The following PCDH10 variants were observed in gnomAD, a reference collection of about 807,000 sequenced individuals.
The protein encoded by PCDH10 is protocadherin-10.
Under a neutral mutation model 74.4 loss-of-function variants are expected in PCDH10, and 15 were observed. The observed-to-expected ratio is 0.20, with a 90% CI of 0.13 to 0.31. The LOEUF is 0.31. Ranked by LOEUF, PCDH10 falls within the 10% of genes least tolerant of loss-of-function variation. The probability of loss-of-function intolerance (pLI) is 1.00; values close to 1 mark genes in which losing one functional copy is unlikely to be tolerated. For synonymous variants in PCDH10, 619 were observed against 589.8 expected (o/e 1.05, Z -0.72); for missense variants, 1,260 against 1,390.2 (o/e 0.91, Z 1.49).
intron 4 of PCDH10, among the ~76,000 whole-genome samples, chr4:133,180,392 A>G (rs1042949447): frequency 1.3e-5 from 2 of 152,036 alleles, no homozygotes; most frequent in Admixed American, 6.6e-5. Flanking sequence ...TTTATGTAAC[A>G]GTTTGTATGT....
chr4:133,177,896 T>A (rs1341804896), intron 4 of PCDH10, among the ~76,000 whole-genome samples: 2 of 152,100 alleles, frequency 1.3e-5, no homozygotes, highest in Admixed American at 6.6e-5. Context: ...AAAGACTCCT[T>A]ACAGTGTAAT....
chr4:133,197,337 C>T (rs1055238285), downstream of PCDH10, among the ~76,000 whole-genome samples: 4 of 152,112 alleles, frequency 2.6e-5, no homozygotes, highest in South Asian at 2.1e-4. Context: ...GGGCAGTATT[C>T]GGTATCTGCT....
chr4:133,184,204 A>G (rs748874988), intron 4 of PCDH10, among the ~76,000 whole-genome samples: 12 of 152,056 alleles, frequency 7.9e-5, no homozygotes, highest in Non-Finnish European at 1.5e-4. Context: ...CCTGTTTTCC[A>G]CCTATGTTCT....
In PCDH10 at chr4:133,151,793, C is replaced by T. The variant is rs754297421; in HGVS notation, c.1653C>T (p.Pro551=). The change falls in exon 1 of 5, where the codon CCC becomes CCT. Residue 551 remains proline (P), a synonymous_variant. Coordinates refer to ENST00000264360, the MANE Select transcript of PCDH10 (RefSeq NM_032961.3). ...TGGAAGCCCGGGACGCTGGCAGCCC[C>T]CAGGCGCTGGCTGGTAACGCCACTG... ...FQVEARDAGS[P]QALAGNATVN... is the part of the protein sequence containing the mutation. 3 of 1,612,992 alleles carry T rather than the reference C, an allele frequency of 1.9e-6. No homozygotes were observed. Among genetic ancestry groups the T allele is most frequent in the African/African-American group, 2.7e-5 (2 of 74,956 alleles).
intron 2 of PCDH10, among the ~76,000 whole-genome samples, chr4:133,204,655 C>T (rs1727967382): frequency 6.6e-6 from 1 of 152,174 alleles, no homozygotes; most frequent in Admixed American, 6.5e-5. Context: ...TATCATGAAA[C>T]CACTTAGTTA....
Position 133,150,533 on chromosome 4 carries a change from C to T in PCDH10, c.393C>T (p.Ile131=). 6.2e-7 allele frequency: 1 copy of T among 1,613,728 alleles called. No homozygotes were observed. Among genetic ancestry groups the T allele is most frequent in the Non-Finnish European group, 8.5e-7 (1 of 1,179,936 alleles). The stretch of plus-strand genomic sequence containing the variant: ...CGGAGCCAGACCTGACGGTGGAAAT[C>T]TCTGAGAGCGCCACGCCAGGCACTC... ...SFPEPDLTVE[I]SESATPGTRF... is the part of the protein sequence containing the mutation. Residue 131 remains isoleucine (I), a synonymous_variant, in exon 1 of 5, where the codon ATC becomes ATT. Transcript: ENST00000264360.
At chr4:133,177,121 A>G (rs1413378687) in intron 4 of PCDH10, among the ~76,000 whole-genome samples, 3 of 152,088 alleles carry the variant, frequency 2.0e-5, no homozygotes, top group Non-Finnish European at 4.4e-5. Flanking sequence ...TGTGTAAAAG[A>G]CATAGATGCC....
chr4:133,193,786 A>G lies in PCDH10; in HGVS notation c.*3626A>G, dbSNP rs942076419. The G allele has an allele frequency of 6.6e-6, 1 of 151,702 alleles. No individual in the cohort carries two copies. The highest frequency in any genetic ancestry group is 1.5e-5 in the Non-Finnish European group (1 of 67,700). The allele number at this position is 151,702 out of a possible 1,614,324, so 9.4% of individuals were successfully genotyped here. A position where few individuals can be genotyped will look rare whatever the true frequency, so the allele number is the denominator to read the frequency against. On this transcript the variant is annotated 3_prime_UTR_variant, in exon 5 of 5. Coordinates refer to ENST00000264360, the MANE Select transcript of PCDH10 (RefSeq NM_032961.3). ...ACTTGATGATTTTTCTGAAAATCTT[A>G]TATTTTTCATATTACAAATTCTTGA...
chr4:133,188,736 T>G (rs1441684202), intron 4 of PCDH10, among the ~76,000 whole-genome samples: 1 of 139,088 alleles, frequency 7.2e-6, no homozygotes, highest in Non-Finnish European at 1.5e-5. Context: ...TGCAATGGCA[T>G]GATCTCAGCT....
In PCDH10 at chr4:133,167,206, CTTTA is replaced by C. The variant is rs759362054; in HGVS notation, c.3103+3928_3103+3931del. 1.9e-3 allele frequency among the ~76,000 whole-genome samples: 286 copies of C among 150,334 alleles called. 1 individual carries two copies. The highest frequency in any genetic ancestry group is 3.3e-3 in the Non-Finnish European group (222 of 67,298). On this transcript the variant is annotated intron_variant, in intron 4 of 4. Transcript: ENST00000264360. ...CTTATCTAGACCTTTTATCAATAAA[CTTTA>C]TTTGAGGGAAATTTTTAGACATCTA...
Position 133,193,435 on chromosome 4 carries a change from GC to G in PCDH10, c.*3277del, listed in dbSNP as rs1219590051. On this transcript the variant is annotated 3_prime_UTR_variant, in exon 5 of 5. Coordinates refer to ENST00000264360, the MANE Select transcript of PCDH10 (RefSeq NM_032961.3). ...TTATTTGTTAATTGGATTGTAATTT[GC>G]CATCAGATTCTCTGTATTATAGAAG... 1 of 151,532 alleles carries G rather than the reference GC, an allele frequency of 6.6e-6. No homozygotes were observed. Among genetic ancestry groups the G allele is most frequent in the Non-Finnish European group, 1.5e-5 (1 of 67,644 alleles). The allele number at this position is 151,532 out of a possible 1,614,324, so 9.4% of individuals were successfully genotyped here.
At chr4:133,196,097 T>C, downstream of PCDH10, among the ~76,000 whole-genome samples, 1 of 152,276 alleles carries the variant, frequency 6.6e-6, no homozygotes, top group South Asian at 2.1e-4. Context: ...ATAGCACAAT[T>C]CTAACACAGA....
chr4:133,198,914 C>A (rs1477651497), downstream of PCDH10, among the ~76,000 whole-genome samples: 1 of 107,214 alleles, frequency 9.3e-6, no homozygotes, highest in African/African-American at 4.1e-5. Context: ...GTGTCTATCC[C>A]AGTCCTAGAT....
At chr4:133,164,562 C>A (rs945905500) in intron 4 of PCDH10, among the ~76,000 whole-genome samples, 15 of 151,750 alleles carry the variant, frequency 9.9e-5, no homozygotes, top group African/African-American at 3.4e-4. Flanking sequence ...CAAATATTTG[C>A]TTTTACCATA....
Position 133,152,206 on chromosome 4 carries a change from G to A in PCDH10, c.2066G>A (p.Gly689Asp), listed in dbSNP as rs769482284. The change falls in exon 1 of 5, where the codon GGC becomes GAC. Residue 689 changes from glycine to aspartate, a missense_variant. This residue lies in a region of PCDH10 where 587 missense variants were observed against 616.9 expected (regional missense o/e 0.95). Transcript: ENST00000264360. ...GGCGCCGTGGAGCCCCAGGGCGGGG[G>A]CGGGAGCGGAGGCGGAGGGTCAGGA... is the stretch of plus-strand genomic sequence containing the variant. ...VDGAVEPQGG[G>D]GSGGGGSGEH... 1 of 1,584,642 alleles carries A rather than the reference G, an allele frequency of 6.3e-7. No homozygotes were observed. The highest frequency in any genetic ancestry group is 1.2e-5 in the South Asian group (1 of 86,178).
At chr4:133,196,860 A>C (rs1727805597), downstream of PCDH10, among the ~76,000 whole-genome samples, 1 of 152,216 alleles carries the variant, frequency 6.6e-6, no homozygotes, top group African/African-American at 2.4e-5. Flanking sequence ...TGCAAGTAGT[A>C]TATGTTATTA....
In PCDH10 at chr4:133,193,787, T is replaced by G. The variant is rs185897589; in HGVS notation, c.*3627T>G. ...CTTGATGATTTTTCTGAAAATCTTA[T>G]ATTTTTCATATTACAAATTCTTGAG... On this transcript the variant is annotated 3_prime_UTR_variant, in exon 5 of 5. Coordinates refer to ENST00000264360, the MANE Select transcript of PCDH10 (RefSeq NM_032961.3). 1 of 151,880 alleles carries G rather than the reference T, an allele frequency of 6.6e-6. No homozygotes were observed. Among genetic ancestry groups the G allele is most frequent in the Admixed American group, 6.6e-5 (1 of 15,208 alleles). 9.4% of individuals were successfully genotyped at this position (151,880 alleles called of 1,614,324 possible). A position where few individuals can be genotyped will look rare whatever the true frequency, so the allele number is the denominator to read the frequency against.
At chr4:133,205,791 T>C (rs2125879038) in intron 2 of PCDH10, among the ~76,000 whole-genome samples, 1 of 152,248 alleles carries the variant, frequency 6.6e-6, no homozygotes, top group Admixed American at 6.5e-5. Context: ...TTATTGTTTC[T>C]TGAATTCTAA....
intron 3 of PCDH10, among the ~76,000 whole-genome samples, chr4:133,157,079 T>TA (rs2125861054): frequency 6.6e-6 from 1 of 152,342 alleles, no homozygotes; most frequent in East Asian, 1.9e-4. Context: ...CTTAAACATG[T>TA]AAAAGTGTTA....
Sources: gnomAD v4.1 joint callset for allele counts (sites outside exome capture counted in the v4.1 genomes callset) on GRCh38, gnomAD v4.1.1 for gene constraint, gnomAD v4.1.1 regional missense constraint, MANE v1.5 for transcripts, NCBI Gene and HGNC (gene_info 2026-07-23, HGNC 2026-07-21) for gene names.